FOXP2: variants seen among roughly 807,000 people sequenced by gnomAD.
FOXP2 encodes the protein forkhead box protein P2.
Under a neutral mutation model 115.8 loss-of-function variants are expected in FOXP2, and 12 were observed. The observed-to-expected ratio is 0.10, with a 90% confidence interval of 0.07 to 0.17. The LOEUF is 0.17. Ranked by LOEUF, FOXP2 falls within the 10% of genes least tolerant of loss-of-function variation. The pLI is 1.00. For missense variants in FOXP2, 629 were observed against 843.5 expected (o/e 0.75, Z 3.15); for synonymous variants, 328 against 297.7 (o/e 1.10, Z -1.05).
intron 1 of FOXP2, among the ~76,000 whole-genome samples, chr7:114,172,028 C>A (rs2129153065): frequency 6.6e-6 from 1 of 152,246 alleles, no homozygotes; most frequent in Non-Finnish European, 1.5e-5. Context: ...TTGCTGCAAT[C>A]TCATGATAAA....
intron 2 of FOXP2, among the ~76,000 whole-genome samples, chr7:114,342,707 T>A (rs1356236699): frequency 6.6e-6 from 1 of 151,472 alleles, no homozygotes; most frequent in Non-Finnish European, 1.5e-5. Flanking sequence ...AGCTTGTCCT[T>A]TCAACAGTCT....
At chr7:114,342,306 G>T (rs1791236250) in intron 2 of FOXP2, among the ~76,000 whole-genome samples, 1 of 151,066 alleles carries the variant, frequency 6.6e-6, no homozygotes, top group African/African-American at 2.4e-5. Context: ...TAATAATATA[G>T]TATTACACAT....
chr7:114,563,332 A>T (rs925909310), intron 3 of FOXP2, among the ~76,000 whole-genome samples: 1 of 152,184 alleles, frequency 6.6e-6, no homozygotes, highest in Non-Finnish European at 1.5e-5. Flanking sequence ...AAAACATTTG[A>T]GACTTTTGAT....
At chr7:114,668,633 C>T (rs1807309805) in intron 16 of FOXP2, 3 of 152,136 alleles carry the variant, frequency 2.0e-5, no homozygotes, top group Admixed American at 2.0e-4. Context: ...TGGACTAATA[C>T]TTTGTGTACA....
intron 1 of FOXP2, among the ~76,000 whole-genome samples, chr7:114,143,523 A>G (rs533410536): frequency 1.3e-5 from 2 of 152,244 alleles, no homozygotes; most frequent in East Asian, 3.9e-4. Flanking sequence ...TACAATTTCA[A>G]TACAGATTGT....
intron 2 of FOXP2, among the ~76,000 whole-genome samples, chr7:114,454,412 CT>C (rs1358343413): frequency 6.6e-6 from 1 of 152,068 alleles, no homozygotes; most frequent in Admixed American, 6.5e-5. Flanking sequence ...CACTTTTACA[CT>C]GTTGATGGGT....
intron 1 of FOXP2, among the ~76,000 whole-genome samples, chr7:114,102,593 G>GT (rs1791005777): frequency 6.8e-6 from 1 of 147,408 alleles, no homozygotes. Flanking sequence ...ATTTAAACAT[G>GT]TAAAAAAAAA....
chr7:114,544,560 T>C (rs1799827284), intron 3 of FOXP2, among the ~76,000 whole-genome samples: 1 of 152,244 alleles, frequency 6.6e-6, no homozygotes, highest in African/African-American at 2.4e-5. Context: ...CTGTAAAAGC[T>C]GCCACCTTGA....
intron 2 of FOXP2, among the ~76,000 whole-genome samples, chr7:114,429,953 T>A (rs563274718): frequency 1.3e-5 from 2 of 151,772 alleles, no homozygotes; most frequent in Non-Finnish European, 3.0e-5. Flanking sequence ...TTAACCCTGA[T>A]AATTTGATCA....
Position 114,312,961 on chromosome 7 carries a change from C to A in FOXP2, c.-11+24852C>A, listed in dbSNP as rs186130709. 3.1e-3 allele frequency among the ~76,000 whole-genome samples: 470 copies of A among 152,286 alleles called. 2 individuals carry two copies. Among genetic ancestry groups the A allele is most frequent in the African/African-American group, 0.011 (455 of 41,566 alleles). ...AGAAACTTGAGAGACCCATGGAGAA[C>A]CCATCAAAAGGTCTTTATAGAGTTG... On this transcript the variant is annotated intron_variant, in intron 2 of 17. Transcript: ENST00000634411.
Position 114,338,130 on chromosome 7 carries a change from TTATTA to T in FOXP2, c.-11+50026_-11+50030del, listed in dbSNP as rs1395968606. Among the ~76,000 whole-genome samples, 29 of 151,248 alleles carry T rather than the reference TTATTA, an allele frequency of 1.9e-4. 1 individual carries two copies. The highest frequency in any genetic ancestry group is 1.4e-3 in the South Asian group (7 of 4,830). On this transcript the variant is annotated intron_variant, in intron 2 of 17. Coordinates refer to the FOXP2 transcript ENST00000634411. ...AAGGTAGATCACTTAAAATATAGTT[TTATTA>T]TATTTTCAATTATGTGGAATTTTCT...
rs147301600 is a variant in FOXP2 at position 114,235,697 on chromosome 7, G to A, written c.-101-52322G>A. Among the ~76,000 whole-genome samples the A allele has an allele frequency of 1.4e-3, 209 of 152,152 alleles. 2 individuals carry two copies. The highest frequency in any genetic ancestry group is 4.3e-3 in the African/African-American group (179 of 41,504). On this transcript the variant is annotated intron_variant, in intron 1 of 17. Coordinates refer to the FOXP2 transcript ENST00000634411. The stretch of plus-strand genomic sequence containing the variant: ...ATGAACACCAATAGTTGAGAATAGC[G>A]TTGGCAAGTTTGGTTAAGCCTCCAA...
At chr7:114,179,671 A>G (rs1158685705) in intron 1 of FOXP2, among the ~76,000 whole-genome samples, 2 of 152,030 alleles carry the variant, frequency 1.3e-5, no homozygotes, top group African/African-American at 4.8e-5. Flanking sequence ...GAAGACTTTA[A>G]AATGGTTGAA....
intron 16 of FOXP2, chr7:114,666,154 A>G (rs748879597): frequency 6.6e-6 from 1 of 152,074 alleles, no homozygotes; most frequent in Non-Finnish European, 1.5e-5. Context: ...TATATAACAC[A>G]TTTTATGCTT....
intron 1 of FOXP2, among the ~76,000 whole-genome samples, chr7:114,123,952 G>A (rs931184257): frequency 6.6e-6 from 1 of 151,916 alleles, no homozygotes; most frequent in Admixed American, 6.6e-5. Flanking sequence ...CTTGATGCTC[G>A]TCTTCTCTAT....
At chr7:114,257,667 A>AC (rs1795656030) in intron 1 of FOXP2, among the ~76,000 whole-genome samples, 1 of 151,874 alleles carries the variant, frequency 6.6e-6, no homozygotes, top group Non-Finnish European at 1.5e-5. Context: ...GTTAGCCAGG[A>AC]TGCTCTTGAT....
intron 2 of FOXP2, among the ~76,000 whole-genome samples, chr7:114,398,541 A>C (rs1792800810): frequency 6.6e-6 from 1 of 152,372 alleles, no homozygotes; most frequent in East Asian, 1.9e-4. Flanking sequence ...GCCAATGAAC[A>C]TGAAGAAAAC....
At chr7:114,312,678 A>T (rs976890456) in intron 2 of FOXP2, among the ~76,000 whole-genome samples, 1 of 152,212 alleles carries the variant, frequency 6.6e-6, no homozygotes, top group African/African-American at 2.4e-5. Flanking sequence ...AGCATAAGCA[A>T]CAGAATTTTT....
In FOXP2 at chr7:114,674,668, A is replaced by C. The variant is rs529924447; in HGVS notation, c.2003+10232A>C. Among the ~76,000 whole-genome samples, 58 of 152,312 alleles carry C rather than the reference A, an allele frequency of 3.8e-4. 1 individual carries two copies. The South Asian group carries it at 0.011, about 29-fold the overall frequency. On this transcript the variant is annotated intron_variant, in intron 16 of 16. Coordinates refer to ENST00000350908, the MANE Select transcript of FOXP2 (RefSeq NM_014491.4). ...TCTGTTGTATAATTTCTTAGCTGAT[A>C]AAAGTTAAGAACATCTTTTTTCATT...
Sources: allele counts gnomAD v4.1 joint callset (sites outside exome capture counted in the v4.1 genomes callset), GRCh38; gene constraint gnomAD v4.1.1; transcripts MANE v1.5; gene names NCBI Gene and HGNC (gene_info 2026-07-23, HGNC 2026-07-21).